Variants in CUL3 observed in about 807,000 individuals in gnomAD.
CUL3 encodes cullin 3, also known as cullin-3.
In CUL3, 19 loss-of-function variants were observed where a neutral mutation model predicts 89.1. The observed-to-expected ratio is 0.21, with a 90% CI of 0.15 to 0.31. The LOEUF (loss-of-function observed/expected upper bound fraction) is 0.31. Ranked by LOEUF, CUL3 falls within the 10% of genes least tolerant of loss-of-function variation. The probability of loss-of-function intolerance (pLI) is 1.00; values close to 1 mark genes in which losing one functional copy is unlikely to be tolerated. For synonymous variants in CUL3, 351 were observed against 308.4 expected (o/e 1.14, Z -1.45); for missense variants, 469 against 942.3 (o/e 0.50, Z 6.58).
intron 1 of CUL3, among the ~76,000 whole-genome samples, chr2:224,580,817 A>G (rs1695418448): frequency 2.0e-5 from 3 of 152,218 alleles, no homozygotes; most frequent in Admixed American, 1.3e-4. Context: ...AAACAATCTC[A>G]AAACACAATT....
intron 13 of CUL3, among the ~76,000 whole-genome samples, chr2:224,483,639 C>T (rs1415294803): frequency 2.0e-5 from 3 of 152,158 alleles, no homozygotes; most frequent in Non-Finnish European, 1.5e-5. Flanking sequence ...TACACGAACA[C>T]ATCCACCTAT....
chr2:224,519,211 C>CA (rs1198398776), intron 3 of CUL3, among the ~76,000 whole-genome samples: 8 of 152,120 alleles, frequency 5.3e-5, no homozygotes, highest in African/African-American at 1.7e-4. Context: ...AAATATTGTA[C>CA]AAAATTACCT....
At chr2:224,505,418 T>C (rs917281522) in intron 8 of CUL3, among the ~76,000 whole-genome samples, 1 of 152,180 alleles carries the variant, frequency 6.6e-6, no homozygotes, top group Non-Finnish European at 1.5e-5. Flanking sequence ...ATTACAGGCA[T>C]GAGCCACCAT....
At chr2:224,571,759 A>C (rs1204133627) in intron 1 of CUL3, among the ~76,000 whole-genome samples, 1 of 152,224 alleles carries the variant, frequency 6.6e-6, no homozygotes, top group Non-Finnish European at 1.5e-5. Flanking sequence ...CTAAGACTAA[A>C]AAGTAAGTAA....
intron 1 of CUL3, among the ~76,000 whole-genome samples, chr2:224,584,450 G>A (rs190163143): frequency 9.8e-5 from 15 of 152,286 alleles, no homozygotes; most frequent in East Asian, 3.9e-4. Flanking sequence ...GCAGGTTGAT[G>A]GCATAGACCT....
rs879833071 is a variant in CUL3 at position 224,554,733 on chromosome 2, GTTAA to G, written c.264+2922_264+2925del. Among the ~76,000 whole-genome samples the G allele has an allele frequency of 5.7e-4, 87 of 152,306 alleles. 1 individual carries two copies. The highest frequency in any genetic ancestry group is 9.3e-4 in the Non-Finnish European group (63 of 68,014). ...TAAATGCTAAATAAAAGTTAATTGTGTTAATTATCATTCCCTATAGAACCTCTGA... is the reference window on the plus strand; with the variant it reads ...TAAATGCTAAATAAAAGTTAATTGTGTTATCATTCCCTATAGAACCTCTGA... On this transcript the variant is annotated intron_variant, in intron 2 of 15. Coordinates refer to ENST00000264414, the MANE Select transcript of CUL3 (RefSeq NM_003590.5).
chr2:224,562,509 G>A (rs931578801), intron 1 of CUL3, among the ~76,000 whole-genome samples: 6 of 151,864 alleles, frequency 4.0e-5, no homozygotes, highest in African/African-American at 2.4e-5. Flanking sequence ...GTGGTGGTGC[G>A]TGCCTGTAAT....
At chr2:224,480,452 T>C (rs1033715422) in intron 14 of CUL3, among the ~76,000 whole-genome samples, 1 of 152,190 alleles carries the variant, frequency 6.6e-6, no homozygotes, top group Non-Finnish European at 1.5e-5. Context: ...GAAAAGAACT[T>C]TTAAGCTCTA....
At chr2:224,569,318 G>A (rs1248888474) in intron 1 of CUL3, among the ~76,000 whole-genome samples, 3 of 152,014 alleles carry the variant, frequency 2.0e-5, no homozygotes, top group African/African-American at 4.8e-5. Context: ...ATGTATACAG[G>A]ACCCTTCCCC....
In CUL3 at chr2:224,497,781, T is replaced by G; in HGVS notation, c.1679A>C (p.Asn560Thr). Residue 560 changes from asparagine (N) to threonine (T), a missense_variant, in exon 12 of 16, where the codon AAT becomes ACT. Coordinates refer to ENST00000264414, the MANE Select transcript of CUL3 (RefSeq NM_003590.5). ...TTTAACTGGTCCATAAAATGTGGCA[T>G]TGAGATCTGCAGAACCCATATGATG... ...LQHHMGSADL[N>T]ATFYGPVKKE... 1 of 1,613,850 alleles carries G rather than the reference T, an allele frequency of 6.2e-7. No individual in the cohort carries two copies. Among genetic ancestry groups the G allele is most frequent in the Non-Finnish European group, 8.5e-7 (1 of 1,179,742 alleles).
At chr2:224,531,146 G>A (rs1011516123) in intron 3 of CUL3, among the ~76,000 whole-genome samples, 1 of 147,636 alleles carries the variant, frequency 6.8e-6, no homozygotes, top group Non-Finnish European at 1.5e-5. Flanking sequence ...AGAGTGCAGT[G>A]GCATGATCTT....
intron 1 of CUL3, among the ~76,000 whole-genome samples, chr2:224,564,357 G>C (rs1694988684): frequency 6.6e-6 from 1 of 152,170 alleles, no homozygotes; most frequent in Non-Finnish European, 1.5e-5. Context: ...TAGTTTTGCT[G>C]TCGCAACTCA....
intron 3 of CUL3, among the ~76,000 whole-genome samples, chr2:224,529,697 A>T (rs191592528): frequency 1.6e-4 from 25 of 152,290 alleles, no homozygotes; most frequent in Middle Eastern, 3.4e-3. Flanking sequence ...GGAGCCAAAC[A>T]GGTAATGCAA....
chr2:224,505,923 TTAAA>T (rs757326045), intron 8 of CUL3, 29 bp downstream of exon 8: 1 of 1,359,086 alleles, frequency 7.4e-7, no homozygotes, highest in East Asian at 2.4e-5. Context: ...TTAAATAAAA[TTAAA>T]TGTTATTTTC....
At chr2:224,580,460 G>T (rs1378146975) in intron 1 of CUL3, among the ~76,000 whole-genome samples, 1 of 152,202 alleles carries the variant, frequency 6.6e-6, no homozygotes, top group African/African-American at 2.4e-5. Context: ...GCGGTGGGCT[G>T]ATCACCTAAG....
intron 14 of CUL3, 106 bp downstream of exon 14, chr2:224,481,786 C>G: frequency 8.5e-6 from 6 of 709,612 alleles, no homozygotes; most frequent in Non-Finnish European, 1.3e-5. Flanking sequence ...AAGTATCATG[C>G]AGCACCAGAA....
At chr2:224,510,276 A>G (rs1454207780) in intron 6 of CUL3, among the ~76,000 whole-genome samples, 1 of 150,744 alleles carries the variant, frequency 6.6e-6, no homozygotes, top group Non-Finnish European at 1.5e-5. Flanking sequence ...TCTTTTAAAA[A>G]GGAAGCCTCT....
chr2:224,542,574 C>A (rs927919311), intron 2 of CUL3, among the ~76,000 whole-genome samples: 1 of 146,320 alleles, frequency 6.8e-6, no homozygotes, highest in African/African-American at 2.7e-5. Context: ...TGTGTGTGCG[C>A]GCGCGCATGC....
At chr2:224,519,480 C>A (rs1693183833) in intron 3 of CUL3, among the ~76,000 whole-genome samples, 1 of 152,116 alleles carries the variant, frequency 6.6e-6, no homozygotes, top group South Asian at 2.1e-4. Flanking sequence ...TGTCTTTCAA[C>A]TTGAGACTGT....
Sources: allele counts gnomAD v4.1 joint callset (sites outside exome capture counted in the v4.1 genomes callset), GRCh38; gene constraint gnomAD v4.1.1; transcripts MANE v1.5; gene names NCBI Gene and HGNC (gene_info 2026-07-23, HGNC 2026-07-21).